The following CEP350 variants were observed in gnomAD, a reference collection of about 807,000 sequenced individuals.
The protein encoded by CEP350 is centrosomal protein 350.
A neutral mutation model predicts 331.8 loss-of-function variants in CEP350; 126 were observed. The observed-to-expected ratio is 0.38, with a 90% CI of 0.33 to 0.44. CEP350 has a LOEUF of 0.44. Ranked by LOEUF, CEP350 falls within the 20% of genes least tolerant of loss-of-function variation. The probability of loss-of-function intolerance (pLI) is 1.00; values close to 1 mark genes in which losing one functional copy is unlikely to be tolerated. For synonymous variants in CEP350, 1,200 were observed against 1,259.5 expected, an observed-to-expected ratio of 0.95 and a Z score of 1.00; for missense variants, 3,406 against 3,634.6, an observed-to-expected ratio of 0.94 and a Z score of 1.62.
intron 1 of CEP350, among the ~76,000 whole-genome samples, chr1:179,961,172 G>A (rs114663761): frequency 0.037 from 5,652 of 152,182 alleles, 157 homozygotes; most frequent in East Asian, 0.16. Flanking sequence ...ATGGCCAGGC[G>A]CGGTGGCTCA....
At chr1:180,083,127 T>C (rs1656011248) in intron 30 of CEP350, among the ~76,000 whole-genome samples, 1 of 152,232 alleles carries the variant, frequency 6.6e-6, no homozygotes, top group East Asian at 1.9e-4. Flanking sequence ...TCCTGGTTTT[T>C]GATGTGATGT....
intron 25 of CEP350, among the ~76,000 whole-genome samples, chr1:180,055,695 A>G (rs1377807930): frequency 3.3e-5 from 5 of 150,460 alleles, no homozygotes; most frequent in African/African-American, 1.2e-4. Context: ...TACAGCCCCC[A>G]CCACCGCGCC....
chr1:180,008,835 T>C (rs544379393), intron 8 of CEP350, among the ~76,000 whole-genome samples: 122 of 152,310 alleles, frequency 8.0e-4, no homozygotes, highest in African/African-American at 2.8e-3. Flanking sequence ...GATGGGGTAC[T>C]GGTTTTTGAT....
chr1:180,098,219 T>G (rs1392027230), intron 36 of CEP350, among the ~76,000 whole-genome samples: 2 of 152,300 alleles, frequency 1.3e-5, no homozygotes, highest in East Asian at 3.9e-4. Context: ...ATCCGCCGCC[T>G]TGGCCTTTCA....
intron 1 of CEP350, among the ~76,000 whole-genome samples, chr1:179,983,717 C>T (rs1652450993): frequency 6.6e-6 from 1 of 152,206 alleles, no homozygotes; most frequent in Admixed American, 6.5e-5. Context: ...TAATATTCAA[C>T]ATACCGTACT....
intron 29 of CEP350, among the ~76,000 whole-genome samples, chr1:180,079,039 A>G (rs1659406600): frequency 1.3e-5 from 2 of 152,156 alleles, no homozygotes; most frequent in African/African-American, 4.8e-5. Context: ...CTGAATTAAT[A>G]ACTTATGTAT....
intron 34 of CEP350, 135 bp downstream of exon 34, chr1:180,094,751 G>C: frequency 1.0e-6 from 1 of 963,210 alleles, no homozygotes; most frequent in Non-Finnish European, 1.5e-6. Flanking sequence ...TTGTTTATTA[G>C]AGAAGGATCA....
At position 180,093,598 on chromosome 1, in the gene CEP350, A is replaced by G; in HGVS notation, c.7493A>G (p.His2498Arg). The G allele has an allele frequency of 1.2e-6, 2 of 1,613,978 alleles. No individual in the cohort carries two copies. The highest frequency in any genetic ancestry group is 1.1e-5 in the South Asian group (1 of 91,084). ...ACTGCAGACGAGTTATTTGATTTCC[A>G]CATTGGTGATAGGGTGTTGATTGGA... is the stretch of plus-strand genomic sequence containing the variant. ...VPTADELFDF[H>R]IGDRVLIGNV... The change falls in exon 34 of 38, where the codon CAC becomes CGC. Residue 2498 changes from histidine to arginine, a missense_variant. By Grantham distance (29) the His-to-Arg change is conservative. Around this residue, in one of 5 missense-constraint regions of CEP350, gnomAD observed 1,415 missense variants for 1,512.3 expected, o/e 0.94. Transcript: ENST00000367607.
Position 179,981,086 on chromosome 1 carries a change from A to G in CEP350, c.-13-5083A>G, listed in dbSNP as rs560454810. Among the ~76,000 whole-genome samples, 14 of 152,304 alleles carry G rather than the reference A, an allele frequency of 9.2e-5. No individual in the cohort carries two copies. The South Asian group carries it at 2.9e-3, about 32-fold the overall frequency. ...AACATAGTCATTTTTTATTGATGAA[A>G]TATAAAATCCATTGACAGCATAACC... On this transcript the variant is annotated intron_variant, in intron 1 of 37. Transcript: ENST00000367607.
At chr1:180,025,371 G>T (rs938982404) in intron 14 of CEP350, among the ~76,000 whole-genome samples, 1 of 152,056 alleles carries the variant, frequency 6.6e-6, no homozygotes, top group Non-Finnish European at 1.5e-5. Flanking sequence ...GAAATTAAGG[G>T]AGATAATGTA....
chr1:179,996,708 C>T lies in CEP350; in HGVS notation c.551C>T (p.Ser184Phe). ...RNIRSCDFES[S>F]QSSVINDTVV... Reference sequence around the variant, plus strand: ...ATACGGAGCTGTGATTTTGAGAGCTCCCAATCATCTGTCATCAATGATACA... The same window carrying T: ...ATACGGAGCTGTGATTTTGAGAGCTTCCAATCATCTGTCATCAATGATACA... The change falls in exon 6 of 38, where the codon TCC becomes TTC. Residue 184 changes from serine to phenylalanine, a missense_variant. Ser to Phe is a radical substitution (Grantham distance 155, BLOSUM62 -2). Coordinates refer to ENST00000367607, the MANE Select transcript of CEP350 (RefSeq NM_014810.5). 1 of 1,613,574 alleles carries T rather than the reference C, an allele frequency of 6.2e-7. No homozygotes were observed. The highest frequency in any genetic ancestry group is 8.5e-7 in the Non-Finnish European group (1 of 1,179,714).
chr1:180,078,502 C>G lies in CEP350; in HGVS notation c.5807C>G (p.Ser1936Cys), dbSNP rs1237426961. ...SEEESPVPLYSHLNSESSIPE... is the reference protein window; with the variant it reads ...SEEESPVPLYCHLNSESSIPE... ...GAGGAATCTCCAGTACCTCTGTACTCTCATCTAAACAGTGAAAGCTCCATT... is the reference window on the plus strand; with the variant it reads ...GAGGAATCTCCAGTACCTCTGTACTGTCATCTAAACAGTGAAAGCTCCATT... Residue 1936 changes from serine to cysteine, a missense_variant, in exon 29 of 38, where the codon TCT (serine) becomes TGT (cysteine). This residue lies in a region of CEP350 where 1,415 missense variants were observed against 1,512.3 expected (regional missense o/e 0.94). Coordinates refer to ENST00000367607, the MANE Select transcript of CEP350 (RefSeq NM_014810.5). The G allele has an allele frequency of 6.2e-7, 1 of 1,613,478 alleles. No individual in the cohort carries two copies. Among genetic ancestry groups the G allele is most frequent in the Non-Finnish European group, 8.5e-7 (1 of 1,179,722 alleles).
At chr1:180,063,163 T>C (rs150790125) in intron 26 of CEP350, among the ~76,000 whole-genome samples, 2 of 150,736 alleles carry the variant, frequency 1.3e-5, no homozygotes, top group East Asian at 2.0e-4. Context: ...AAAGGAGATA[T>C]TAGACAAAAA....
chr1:180,026,633 C>T (rs1655695668), intron 14 of CEP350, among the ~76,000 whole-genome samples: 1 of 152,208 alleles, frequency 6.6e-6, no homozygotes, highest in African/African-American at 2.4e-5. Context: ...TTCTTCTGTC[C>T]ATCAGCCGCT....
chr1:180,039,412 T>G (rs1656604803), intron 17 of CEP350, among the ~76,000 whole-genome samples: 1 of 152,166 alleles, frequency 6.6e-6, no homozygotes. Flanking sequence ...AATTTTATCT[T>G]TCATATTTAA....
At position 180,090,748 on chromosome 1, in the gene CEP350, G is replaced by C; in HGVS notation, c.6460G>C (p.Glu2154Gln). 1.9e-6 allele frequency: 3 copies of C among 1,553,474 alleles called. No homozygotes were observed. The highest frequency in any genetic ancestry group is 2.6e-6 in the Non-Finnish European group (3 of 1,147,792). The change falls in exon 33 of 38, where the codon GAG becomes CAG. Residue 2154 changes from glutamate (E) to glutamine (Q), a missense_variant. Coordinates refer to ENST00000367607, the MANE Select transcript of CEP350 (RefSeq NM_014810.5). ...GGCAAAGAATTGGAAATCACTAACAGAGTCAGAACGTTCCAGAGGATCCCT... is the reference window on the plus strand; with the variant it reads ...GGCAAAGAATTGGAAATCACTAACACAGTCAGAACGTTCCAGAGGATCCCT... ...ETAKNWKSLTESERSRGSLES... is the reference protein window; with the variant it reads ...ETAKNWKSLTQSERSRGSLES...
chr1:180,075,303 G>A (rs1405850191), intron 28 of CEP350, 82 bp downstream of exon 28: 23 of 1,367,622 alleles, frequency 1.7e-5, no homozygotes, highest in South Asian at 7.6e-5. Context: ...TTAAAAATGC[G>A]AGGCTGGGCG....
chr1:180,044,684 G>C (rs1030959836), intron 21 of CEP350, among the ~76,000 whole-genome samples: 3 of 115,500 alleles, frequency 2.6e-5, no homozygotes, highest in Non-Finnish European at 5.2e-5. Flanking sequence ...TTGTGGGGTG[G>C]GGGGAGGGGG....
intron 5 of CEP350, among the ~76,000 whole-genome samples, chr1:179,994,460 T>C (rs1038984726): frequency 4.7e-5 from 7 of 149,574 alleles, no homozygotes; most frequent in Admixed American, 2.0e-4. Context: ...TTCTTTCTTT[T>C]TTTTTTTTTT....
Sources: gnomAD v4.1 joint callset for allele counts (sites outside exome capture counted in the v4.1 genomes callset) on GRCh38, gnomAD v4.1.1 for gene constraint, gnomAD v4.1.1 regional missense constraint, MANE v1.5 for transcripts, NCBI Gene and HGNC (gene_info 2026-07-23, HGNC 2026-07-21) for gene names.